The following LRP1B variants were observed in gnomAD, a reference collection of about 807,000 sequenced individuals.
The protein encoded by LRP1B is low-density lipoprotein receptor-related protein 1B.
In LRP1B, 217 loss-of-function variants were observed where a neutral mutation model predicts 556.6. The ratio of observed to expected loss-of-function variants is 0.39; its 90% CI spans 0.35 to 0.44. The LOEUF (loss-of-function observed/expected upper bound fraction) is 0.44. LRP1B is among the 20% of genes least tolerant of loss of function. LRP1B has a pLI of 1.00. For missense variants in LRP1B, 5,053 were observed against 5,620.8 expected, an observed-to-expected ratio of 0.90 and a Z score of 3.23; for synonymous variants, 2,047 against 1,865.8, an observed-to-expected ratio of 1.10 and a Z score of -2.50.
intron 2 of LRP1B, among the ~76,000 whole-genome samples, chr2:141,502,358 C>CTCAACAGG (rs1683747235): frequency 6.6e-6 from 1 of 152,076 alleles, no homozygotes; most frequent in Non-Finnish European, 1.5e-5. Context: ...TGGTGAAATC[C>CTCAACAGG]ATTAAGGTTG....
intron 1 of LRP1B, among the ~76,000 whole-genome samples, chr2:142,129,178 C>A (rs775895142): frequency 6.6e-6 from 1 of 152,216 alleles, no homozygotes; most frequent in Non-Finnish European, 1.5e-5. Context: ...AGATCAAAGA[C>A]ATCATCATTT....
At chr2:141,553,584 G>A (rs1208972056) in intron 2 of LRP1B, among the ~76,000 whole-genome samples, 1 of 149,712 alleles carries the variant, frequency 6.7e-6, no homozygotes, top group Admixed American at 6.8e-5. Flanking sequence ...TGATTTTGGA[G>A]CAGGTTACTA....
chr2:142,112,346 A>G (rs1320328744), intron 1 of LRP1B, among the ~76,000 whole-genome samples: 8 of 152,116 alleles, frequency 5.3e-5, no homozygotes, highest in African/African-American at 1.9e-4. Context: ...GGGAGGGACT[A>G]CAATTCATTA....
intron 1 of LRP1B, among the ~76,000 whole-genome samples, chr2:142,019,685 A>G (rs893484421): frequency 1.3e-5 from 2 of 152,182 alleles, no homozygotes; most frequent in East Asian, 1.9e-4. Context: ...TTACCAGAGT[A>G]AAAACAGGGT....
intron 7 of LRP1B, among the ~76,000 whole-genome samples, chr2:141,179,835 G>T (rs1180326791): frequency 6.6e-6 from 1 of 150,456 alleles, no homozygotes; most frequent in Non-Finnish European, 1.5e-5. Flanking sequence ...ATCCTGCAAG[G>T]CTCAGCAGTC....
chr2:140,781,528 T>C (rs910180212), intron 32 of LRP1B, among the ~76,000 whole-genome samples: 4 of 152,226 alleles, frequency 2.6e-5, no homozygotes, highest in African/African-American at 9.6e-5. Context: ...AAAGTATGAT[T>C]GCAGATGATG....
At position 141,791,218 on chromosome 2, in the gene LRP1B, C is replaced by T. The variant is rs558130481; in HGVS notation, c.205+19061G>A. 3.3e-5 allele frequency among the ~76,000 whole-genome samples: 5 copies of T among 151,960 alleles called. No homozygotes were observed. The East Asian group carries it at 5.8e-4, about 18-fold the overall frequency. On this transcript the variant is annotated intron_variant, in intron 2 of 90. Coordinates refer to ENST00000389484, the MANE Select transcript of LRP1B (RefSeq NM_018557.3). ...GAAAAATAGTAAAAAGAGAGAATTG[C>T]ATTCACAAAGAAATTTAGAAAATTA...
chr2:141,063,017 C>CTAATATTTGATTAGT (rs1699383984), intron 7 of LRP1B, among the ~76,000 whole-genome samples: 1 of 151,726 alleles, frequency 6.6e-6, no homozygotes, highest in Non-Finnish European at 1.5e-5. Flanking sequence ...AATGTAACTC[C>CTAATATTTGATTAGT]AACACTTCAG....
chr2:142,026,418 C>T (rs1011059880), intron 1 of LRP1B, among the ~76,000 whole-genome samples: 3 of 152,076 alleles, frequency 2.0e-5, no homozygotes, highest in African/African-American at 7.2e-5. Flanking sequence ...TCATAATGGT[C>T]ATATTCCATG....
intron 2 of LRP1B, among the ~76,000 whole-genome samples, chr2:141,572,693 G>A (rs1283028593): frequency 1.3e-5 from 2 of 152,080 alleles, no homozygotes; most frequent in Non-Finnish European, 2.9e-5. Context: ...CCCATCTTAT[G>A]TGCAAAGACA....
chr2:140,394,333 T>C (rs1236416184), intron 66 of LRP1B, among the ~76,000 whole-genome samples: 2 of 152,064 alleles, frequency 1.3e-5, no homozygotes, highest in African/African-American at 2.4e-5. Context: ...TAGAGCACAG[T>C]TGGTCCATTG....
chr2:141,722,751 T>G (rs1321958387), intron 2 of LRP1B, among the ~76,000 whole-genome samples: 2 of 151,856 alleles, frequency 1.3e-5, no homozygotes, highest in Admixed American at 6.6e-5. Flanking sequence ...GATAGATAGA[T>G]AGATAGATAG....
chr2:140,902,472 C>T (rs1694132711), intron 23 of LRP1B, among the ~76,000 whole-genome samples: 1 of 152,020 alleles, frequency 6.6e-6, no homozygotes, highest in Non-Finnish European at 1.5e-5. Context: ...GTTTGCCTTT[C>T]CCACTGTGAA....
intron 3 of LRP1B, among the ~76,000 whole-genome samples, chr2:141,383,969 G>A (rs80193758): frequency 6.6e-5 from 10 of 152,168 alleles, no homozygotes; most frequent in African/African-American, 1.4e-4. Context: ...CATTCTATAC[G>A]TAAAATATGC....
chr2:141,070,306 C>T (rs901851008), intron 7 of LRP1B, among the ~76,000 whole-genome samples: 21 of 149,798 alleles, frequency 1.4e-4, no homozygotes, highest in African/African-American at 2.4e-4. Context: ...TTGAAACCAA[C>T]GAGAACAAAG....
chr2:142,069,898 T>C (rs1025319414), intron 1 of LRP1B, among the ~76,000 whole-genome samples: 1 of 151,818 alleles, frequency 6.6e-6, no homozygotes, highest in Admixed American at 6.6e-5. Context: ...TAAAACAATT[T>C]GTGCAGTAAT....
chr2:141,350,885 T>C (rs1688420709), intron 3 of LRP1B, among the ~76,000 whole-genome samples: 1 of 152,058 alleles, frequency 6.6e-6, no homozygotes, highest in Admixed American at 6.6e-5. Context: ...TGGCATAACT[T>C]TAATGATGGT....
intron 86 of LRP1B, among the ~76,000 whole-genome samples, chr2:140,252,062 C>CAAA: frequency 0.02 from 377 of 18,486 alleles, 46 homozygotes; most frequent in Middle Eastern, 0.083. Flanking sequence ...TGACAAGATG[C>CAAA]AAAAAAAAAA....
At chr2:140,426,862 T>G (rs1685681511) in intron 66 of LRP1B, among the ~76,000 whole-genome samples, 1 of 152,204 alleles carries the variant, frequency 6.6e-6, no homozygotes, top group Non-Finnish European at 1.5e-5. Flanking sequence ...CCTGTCTTCC[T>G]GCTCTTTGCT....
Sources: allele counts gnomAD v4.1 joint callset (sites outside exome capture counted in the v4.1 genomes callset), GRCh38; gene constraint gnomAD v4.1.1; transcripts MANE v1.5; gene names NCBI Gene and HGNC (gene_info 2026-07-23, HGNC 2026-07-21).